The following SYNPR variants were observed in gnomAD, a reference collection of about 807,000 sequenced individuals.
The protein encoded by SYNPR is synaptoporin.
In SYNPR, 23 loss-of-function variants were observed where a neutral mutation model predicts 32.9. That is an observed-to-expected ratio of 0.70 (90% CI 0.50 to 0.99). The LOEUF (loss-of-function observed/expected upper bound fraction) is 0.99. SYNPR is among the 50% of genes least tolerant of loss of function. The probability of loss-of-function intolerance (pLI) is 0.00; values close to 1 mark genes in which losing one functional copy is unlikely to be tolerated. For synonymous variants in SYNPR, 146 were observed against 135.9 expected (o/e 1.07, Z -0.52); for missense variants, 318 against 349.3 (o/e 0.91, Z 0.71).
intron 2 of SYNPR, among the ~76,000 whole-genome samples, chr3:63,259,920 T>C (rs1199618078): frequency 6.6e-6 from 1 of 152,200 alleles, no homozygotes; most frequent in Non-Finnish European, 1.5e-5. Context: ...AGCATTCTTA[T>C]ACACCAATAA....
intron 2 of SYNPR, among the ~76,000 whole-genome samples, chr3:63,381,338 A>G (rs544877775): frequency 6.6e-6 from 1 of 152,342 alleles, no homozygotes; most frequent in Non-Finnish European, 1.5e-5. Context: ...TAGGAATCCA[A>G]CTTACAAGGG....
intron 2 of SYNPR, among the ~76,000 whole-genome samples, chr3:63,366,456 T>C (rs554008640): frequency 3.9e-5 from 6 of 152,334 alleles, no homozygotes; most frequent in African/African-American, 1.4e-4. Context: ...GGAAATTTTC[T>C]GGAGCATAAT....
chr3:63,303,014 T>C (rs2086873175), intron 2 of SYNPR, among the ~76,000 whole-genome samples: 1 of 152,088 alleles, frequency 6.6e-6, no homozygotes, highest in East Asian at 1.9e-4. Flanking sequence ...TTATCAAGTG[T>C]ACTCCAAAAA....
chr3:63,233,478 A>G (rs186172801), intron 1 of SYNPR, among the ~76,000 whole-genome samples: 40 of 152,246 alleles, frequency 2.6e-4, no homozygotes, highest in African/African-American at 9.6e-4. Context: ...TGATACTCCC[A>G]TTACTCTGAC....
At chr3:63,412,534 C>A (rs1440992905) in intron 2 of SYNPR, among the ~76,000 whole-genome samples, 1 of 152,052 alleles carries the variant, frequency 6.6e-6, no homozygotes, top group Non-Finnish European at 1.5e-5. Context: ...AGTCAATAGA[C>A]AAACTGTAAG....
In SYNPR at chr3:63,433,541, A is replaced by G. The variant is rs561701501; in HGVS notation, c.85-47291A>G. Among the ~76,000 whole-genome samples, 7 of 152,280 alleles carry G rather than the reference A, an allele frequency of 4.6e-5. No homozygotes were observed. The East Asian group carries it at 1.4e-3, about 29-fold the overall frequency. On this transcript the variant is annotated intron_variant, in intron 2 of 5. Coordinates refer to ENST00000478300, the MANE Select transcript of SYNPR (RefSeq NM_001130003.2). ...TGGAGGAAAGATAGTTTTGTCTTATATTTATGGAGGGGACACTGAACACAG... is the reference window on the plus strand; with the variant it reads ...TGGAGGAAAGATAGTTTTGTCTTATGTTTATGGAGGGGACACTGAACACAG...
rs1295829405 is a variant in SYNPR, at chr3:63,287,929, CAT to C, written c.84+9190_84+9191del. ...CAAGGACTGAAACAGGCTCAGGTCTCATATCTTGGGTTCACGTCAATGAGCAG... is the reference window on the plus strand; with the variant it reads ...CAAGGACTGAAACAGGCTCAGGTCTCATCTTGGGTTCACGTCAATGAGCAG... On this transcript the variant is annotated intron_variant, in intron 2 of 5. Transcript: ENST00000478300. Among the ~76,000 whole-genome samples, 5 of 152,274 alleles carry C rather than the reference CAT, an allele frequency of 3.3e-5. No individual in the cohort carries two copies. In the South Asian group the frequency reaches 1.0e-3, roughly 32 times the overall value.
chr3:63,356,351 C>T (rs1377332468), intron 2 of SYNPR, among the ~76,000 whole-genome samples: 1 of 152,172 alleles, frequency 6.6e-6, no homozygotes, highest in Non-Finnish European at 1.5e-5. Flanking sequence ...GTTCCTTGGG[C>T]CTTTATTCAA....
At chr3:63,259,860 G>C (rs924293125) in intron 2 of SYNPR, among the ~76,000 whole-genome samples, 22 of 152,180 alleles carry the variant, frequency 1.4e-4, no homozygotes, top group African/African-American at 4.6e-4. Context: ...TAAGGTGATA[G>C]ACAACTTCAG....
intron 2 of SYNPR, among the ~76,000 whole-genome samples, chr3:63,312,710 G>A (rs2106954986): frequency 6.6e-6 from 1 of 151,952 alleles, no homozygotes; most frequent in East Asian, 1.9e-4. Context: ...TGGGATCCCT[G>A]CCTCTTCCAT....
intron 3 of SYNPR, among the ~76,000 whole-genome samples, chr3:63,505,514 G>C (rs1275522440): frequency 6.6e-6 from 1 of 152,114 alleles, no homozygotes; most frequent in Non-Finnish European, 1.5e-5. Context: ...AATGCTTTTT[G>C]GAGCCAAGTG....
At chr3:63,329,991 G>A (rs2087208362) in intron 2 of SYNPR, 1 of 151,808 alleles carries the variant, frequency 6.6e-6, no homozygotes, top group Non-Finnish European at 1.5e-5. Context: ...TGTTCCCAGG[G>A]TCTGGACATC....
the SYNPR span, among the ~76,000 whole-genome samples, chr3:63,206,254 G>T: frequency 1.3e-5 from 2 of 152,214 alleles, no homozygotes; most frequent in Non-Finnish European, 1.5e-5. Flanking sequence ...TACCAGTTTA[G>T]GGGGGGAAAG....
intron 3 of SYNPR, among the ~76,000 whole-genome samples, chr3:63,549,339 C>T (rs1575705709): frequency 6.6e-6 from 1 of 152,130 alleles, no homozygotes; most frequent in East Asian, 1.9e-4. Context: ...CATTTGCTTA[C>T]AAATATTCAG....
At chr3:63,401,680 CAG>C (rs1304337358) in intron 2 of SYNPR, among the ~76,000 whole-genome samples, 2 of 152,106 alleles carry the variant, frequency 1.3e-5, no homozygotes, top group African/African-American at 4.8e-5. Flanking sequence ...AAAAAAAAGA[CAG>C]AGCTATTCTC....
At chr3:63,302,534 T>C (rs915191883) in intron 2 of SYNPR, among the ~76,000 whole-genome samples, 11 of 152,076 alleles carry the variant, frequency 7.2e-5, no homozygotes, top group African/African-American at 2.7e-4. Flanking sequence ...CCTTCTTCTA[T>C]CTCACTTTAA....
At chr3:63,542,916 A>G (rs561564538) in intron 3 of SYNPR, among the ~76,000 whole-genome samples, 124 of 152,248 alleles carry the variant, frequency 8.1e-4, no homozygotes, top group Middle Eastern at 3.4e-3. Flanking sequence ...AGGGAAGTCA[A>G]AATTTATCAT....
chr3:63,390,595 G>T (rs2088120010), intron 2 of SYNPR, among the ~76,000 whole-genome samples: 2 of 152,192 alleles, frequency 1.3e-5, no homozygotes, highest in African/African-American at 4.8e-5. Flanking sequence ...ACCTGGATAT[G>T]CATCCTGTTG....
intron 2 of SYNPR, among the ~76,000 whole-genome samples, chr3:63,445,054 C>T (rs942642707): frequency 5.3e-5 from 8 of 151,942 alleles, no homozygotes; most frequent in Non-Finnish European, 8.8e-5. Context: ...TCTTCCCCTC[C>T]CCAACACACA....
Sources: gnomAD v4.1 joint callset for allele counts (sites outside exome capture counted in the v4.1 genomes callset) on GRCh38, gnomAD v4.1.1 for gene constraint, MANE v1.5 for transcripts, NCBI Gene and HGNC (gene_info 2026-07-23, HGNC 2026-07-21) for gene names.